TMEM267: variants seen among roughly 807,000 people sequenced by gnomAD.
TMEM267 encodes transmembrane protein C5orf28.
Under a neutral mutation model 19.3 loss-of-function variants are expected in TMEM267, and 20 were observed. The observed-to-expected ratio is 1.04, with a 90% confidence interval of 0.73 to 1.51. The LOEUF (loss-of-function observed/expected upper bound fraction) is 1.51, where lower values mean the gene tolerates loss of function less well. Ranked by LOEUF, TMEM267 falls within the 40% of genes most tolerant of loss-of-function variation. TMEM267 has a pLI of 0.00. For synonymous variants in TMEM267, 88 were observed against 90.3 expected (o/e 0.97, Z 0.15); for missense variants, 242 against 261.9 (o/e 0.92, Z 0.52).
intron 1 of TMEM267, among the ~76,000 whole-genome samples, chr5:43,463,922 C>A (rs916074914): frequency 7.9e-5 from 12 of 152,256 alleles, no homozygotes; most frequent in African/African-American, 2.9e-4. Flanking sequence ...TCTCACCACT[C>A]CTATTCAACA....
At chr5:43,457,275 G>T (rs1433639629) in intron 1 of TMEM267, among the ~76,000 whole-genome samples, 1 of 152,138 alleles carries the variant, frequency 6.6e-6, no homozygotes, top group South Asian at 2.1e-4. Flanking sequence ...GCAGGGCAAA[G>T]GGCATCTATA....
intron 2 of TMEM267, among the ~76,000 whole-genome samples, chr5:43,451,943 T>A (rs1227875058): frequency 6.6e-6 from 1 of 150,928 alleles, no homozygotes; most frequent in East Asian, 1.9e-4. Context: ...CCTGGCATGG[T>A]GGCATGTGAC....
chr5:43,446,086 T>C lies in TMEM267; in HGVS notation c.*136A>G, dbSNP rs1307075499. ...TTTTAAAAAAGTTGTATACACTTCC[T>C]GAGCAAGAGGATTGCAGAATTATAA... On this transcript the variant is annotated 3_prime_UTR_variant, in exon 3 of 3. Coordinates refer to ENST00000397080, the MANE Select transcript of TMEM267 (RefSeq NM_022483.5). 4 of 571,038 alleles carry C rather than the reference T, an allele frequency of 7.0e-6. No individual in the cohort carries two copies. Among genetic ancestry groups the C allele is most frequent in the Non-Finnish European group, 1.2e-5 (4 of 334,308 alleles). 35.4% of individuals were successfully genotyped at this position (571,038 alleles called of 1,614,324 possible). A position where few individuals can be genotyped will look rare whatever the true frequency, so the allele number is the denominator to read the frequency against.
In TMEM267 at chr5:43,453,933, G is replaced by A. The variant is rs775686061; in HGVS notation, c.37C>T (p.Gln13Ter). Residue 13 changes from glutamine (Q) to a stop codon, truncating the protein, a stop_gained, in exon 2 of 3, where the codon CAG (glutamine) becomes TAG (stop). Coordinates refer to ENST00000397080, the MANE Select transcript of TMEM267 (RefSeq NM_022483.5). LOFTEE classifies it high-confidence loss of function. ...SETEKTHALL[Q>*]TCSTESLISS... ...ATAAGAGATTCAGTGCTACAAGTCT[G>A]CAGTAAAGCATGGGTCTTTTCAGTC... The A allele has an allele frequency of 1.7e-5, 27 of 1,613,880 alleles. No homozygotes were observed. The South Asian group carries it at 2.4e-4, about 14-fold the overall frequency.
intron 1 of TMEM267, among the ~76,000 whole-genome samples, chr5:43,467,013 G>A (rs961561671): frequency 1.1e-4 from 16 of 151,710 alleles, no homozygotes; most frequent in Non-Finnish European, 2.1e-4. Flanking sequence ...GCTGTGTGTC[G>A]TGGCGCACAT....
At chr5:43,459,051 C>G (rs1561189271) in intron 1 of TMEM267, among the ~76,000 whole-genome samples, 1 of 151,836 alleles carries the variant, frequency 6.6e-6, no homozygotes, top group Non-Finnish European at 1.5e-5. Flanking sequence ...ATCATCAACC[C>G]TAAATGTCAG....
At chr5:43,456,095 C>T (rs1742933134) in intron 1 of TMEM267, among the ~76,000 whole-genome samples, 1 of 152,028 alleles carries the variant, frequency 6.6e-6, no homozygotes, top group Non-Finnish European at 1.5e-5. Context: ...CTTGGCTTCC[C>T]AAAGTGCTGA....
intron 1 of TMEM267, among the ~76,000 whole-genome samples, chr5:43,459,927 T>C (rs931398721): frequency 1.3e-5 from 2 of 152,200 alleles, no homozygotes; most frequent in Non-Finnish European, 2.9e-5. Context: ...TATTATTACA[T>C]TGTAATATAT....
intron 1 of TMEM267, among the ~76,000 whole-genome samples, chr5:43,479,434 A>G (rs1251903081): frequency 6.6e-6 from 1 of 151,976 alleles, no homozygotes; most frequent in Non-Finnish European, 1.5e-5. Context: ...TAAAGCCAGG[A>G]GTAATTAAAC....
intron 1 of TMEM267, among the ~76,000 whole-genome samples, chr5:43,468,287 T>C (rs1743867781): frequency 6.6e-6 from 1 of 152,138 alleles, no homozygotes; most frequent in South Asian, 2.1e-4. Context: ...TCAGATGAAT[T>C]CCTGGGAACT....
At chr5:43,449,127 C>A (rs1338156781) in intron 2 of TMEM267, among the ~76,000 whole-genome samples, 1 of 151,878 alleles carries the variant, frequency 6.6e-6, no homozygotes, top group African/African-American at 2.4e-5. Context: ...CAAAAATTAG[C>A]TGGGTATGGT....
chr5:43,449,789 A>G (rs781622604), intron 2 of TMEM267, among the ~76,000 whole-genome samples: 6 of 152,202 alleles, frequency 3.9e-5, no homozygotes, highest in Non-Finnish European at 8.8e-5. Context: ...TTTCAACAGG[A>G]TGGGATTAAG....
intron 2 of TMEM267, among the ~76,000 whole-genome samples, chr5:43,451,692 A>G (rs1318485681): frequency 6.6e-6 from 1 of 152,186 alleles, no homozygotes; most frequent in Admixed American, 6.5e-5. Context: ...CAATATGGAG[A>G]TTTCTCAAAG....
At chr5:43,457,143 C>G (rs376084314) in intron 1 of TMEM267, among the ~76,000 whole-genome samples, 1 of 152,178 alleles carries the variant, frequency 6.6e-6, no homozygotes, top group East Asian at 1.9e-4. Context: ...AACTGTGCGA[C>G]ATAAAGGATG....
chr5:43,480,908 C>T (rs13183407), intron 1 of TMEM267, among the ~76,000 whole-genome samples: 2,042 of 147,768 alleles, frequency 0.014, 57 homozygotes, highest in East Asian at 0.13. Flanking sequence ...GTTCATGCCA[C>T]TCTCCTGCCT....
intron 1 of TMEM267, among the ~76,000 whole-genome samples, chr5:43,472,566 T>C (rs1259647509): frequency 6.6e-6 from 1 of 152,026 alleles, no homozygotes; most frequent in East Asian, 1.9e-4. Context: ...TATGAATGGA[T>C]AAAGAAAATA....
intron 2 of TMEM267, 101 bp from the exon 3 acceptor site, chr5:43,446,658 A>G (rs1742256646): frequency 8.6e-6 from 6 of 694,008 alleles, no homozygotes; most frequent in Non-Finnish European, 1.4e-5. Context: ...AGTCTATTGG[A>G]CATGCAAAAG....
intron 1 of TMEM267, among the ~76,000 whole-genome samples, chr5:43,468,543 C>T (rs902161522): frequency 7.2e-5 from 11 of 152,188 alleles, no homozygotes; most frequent in African/African-American, 2.4e-4. Flanking sequence ...AGATTGATGT[C>T]TTATGTCTCC....
At chr5:43,469,287 A>G (rs899644852) in intron 1 of TMEM267, among the ~76,000 whole-genome samples, 2 of 152,180 alleles carry the variant, frequency 1.3e-5, no homozygotes, top group Non-Finnish European at 2.9e-5. Flanking sequence ...TTTTTGGAAA[A>G]GTTAAACAAA....
Sources: allele counts gnomAD v4.1 joint callset (sites outside exome capture counted in the v4.1 genomes callset), GRCh38; gene constraint gnomAD v4.1.1; transcripts MANE v1.5; gene names NCBI Gene and HGNC (gene_info 2026-07-23, HGNC 2026-07-21).